PTPRD: variants seen among roughly 807,000 people sequenced by gnomAD.
The protein encoded by PTPRD is protein tyrosine phosphatase receptor type D.
Under a neutral mutation model 214.5 loss-of-function variants are expected in PTPRD, and 34 were observed. That is an observed-to-expected ratio of 0.16 (90% CI 0.12 to 0.21). PTPRD has a LOEUF of 0.21. Ranked by LOEUF, PTPRD falls within the 10% of genes least tolerant of loss-of-function variation. The pLI is 1.00. For missense variants in PTPRD, 2,545 were observed against 2,398.7 expected (o/e 1.06, Z -1.27); for synonymous variants, 1,128 against 845.7 (o/e 1.33, Z -5.79).
intron 11 of PTPRD, among the ~76,000 whole-genome samples, chr9:8,817,401 T>C (rs1476190711): frequency 3.9e-5 from 6 of 152,204 alleles, no homozygotes; most frequent in African/African-American, 1.4e-4. Flanking sequence ...ATAATTTAGA[T>C]GTAGAGAAAA....
intron 5 of PTPRD, among the ~76,000 whole-genome samples, chr9:9,929,549 A>G (rs1339237286): frequency 6.6e-6 from 1 of 152,102 alleles, no homozygotes. Flanking sequence ...ATGTGCCACC[A>G]TGCCCAGCTA....
intron 22 of PTPRD, 97 bp from the exon 23 acceptor site, chr9:8,504,502 T>C (rs1180093517): frequency 5.2e-6 from 7 of 1,344,774 alleles, no homozygotes; most frequent in Non-Finnish European, 7.3e-6. Context: ...TCATCAGGAT[T>C]ATAATCTCAT....
At chr9:9,883,708 C>G (rs372893556) in intron 5 of PTPRD, among the ~76,000 whole-genome samples, 1 of 152,096 alleles carries the variant, frequency 6.6e-6, no homozygotes, top group African/African-American at 2.4e-5. Context: ...AACCTCTTAG[C>G]CAGCTTTTAT....
At chr9:10,197,513 C>T (rs1042914320) in intron 3 of PTPRD, among the ~76,000 whole-genome samples, 1 of 152,242 alleles carries the variant, frequency 6.6e-6, no homozygotes, top group East Asian at 1.9e-4. Flanking sequence ...TTAGCAAATT[C>T]ATGCTTTACT....
At chr9:9,679,031 A>G (rs544935951) in intron 7 of PTPRD, among the ~76,000 whole-genome samples, 3 of 151,746 alleles carry the variant, frequency 2.0e-5, no homozygotes, top group South Asian at 2.1e-4. Context: ...AATGCATACA[A>G]TATATAGAAA....
intron 35 of PTPRD, among the ~76,000 whole-genome samples, chr9:8,431,942 T>C (rs2095083806): frequency 6.6e-6 from 1 of 152,238 alleles, no homozygotes; most frequent in Non-Finnish European, 1.5e-5. Context: ...AATTTGGCTG[T>C]GAATCTGTCT....
rs559646036 is a variant in PTPRD at position 10,440,074 on chromosome 9, A to G, written c.-599-99057T>C. On this transcript the variant is annotated intron_variant, in intron 2 of 45. Coordinates refer to ENST00000381196, the MANE Select transcript of PTPRD (RefSeq NM_002839.4). ...AAATTTTGCATCTACTAAGTTAAATATCCTAATTAAGCTTTTACATAAATG... is the reference window on the plus strand; with the variant it reads ...AAATTTTGCATCTACTAAGTTAAATGTCCTAATTAAGCTTTTACATAAATG... Among the ~76,000 whole-genome samples, 4 of 151,518 alleles carry G rather than the reference A, an allele frequency of 2.6e-5. No homozygotes were observed. In the East Asian group the frequency reaches 7.8e-4, roughly 29 times the overall value.
At chr9:8,925,620 T>C (rs1018025764) in intron 11 of PTPRD, among the ~76,000 whole-genome samples, 2 of 127,514 alleles carry the variant, frequency 1.6e-5, no homozygotes, top group African/African-American at 6.1e-5. Context: ...TACCTCTGCA[T>C]GGAGATCCTC....
At chr9:8,637,715 C>T (rs183012597) in intron 12 of PTPRD, among the ~76,000 whole-genome samples, 86 of 152,270 alleles carry the variant, frequency 5.6e-4, no homozygotes, top group African/African-American at 2.0e-3. Context: ...TTCATCATAT[C>T]ATTTGTTTGG....
chr9:9,964,880 ACTAAACTAATTTTT>A (rs1353555574), intron 4 of PTPRD, among the ~76,000 whole-genome samples: 3 of 152,154 alleles, frequency 2.0e-5, no homozygotes, highest in Non-Finnish European at 4.4e-5. Flanking sequence ...CCAAGATCTA[ACTAAACTAATTTTT>A]CATTTGAAAT....
chr9:10,130,398 C>G (rs1187703007), intron 3 of PTPRD, among the ~76,000 whole-genome samples: 1 of 151,980 alleles, frequency 6.6e-6, no homozygotes, highest in Non-Finnish European at 1.5e-5. Context: ...TGATCTTTCC[C>G]CATTAACCTA....
chr9:10,494,388 C>T (rs1359583224), intron 2 of PTPRD, among the ~76,000 whole-genome samples: 1 of 151,710 alleles, frequency 6.6e-6, no homozygotes, highest in East Asian at 1.9e-4. Flanking sequence ...TCAACACAAT[C>T]ATATCCACAT....
intron 14 of PTPRD, among the ~76,000 whole-genome samples, chr9:8,626,788 T>C (rs966139381): frequency 1.3e-5 from 2 of 151,686 alleles, no homozygotes; most frequent in Admixed American, 1.3e-4. Context: ...CTTGCCAGCC[T>C]GTGGACTAGA....
chr9:10,517,071 A>G (rs2784603), intron 2 of PTPRD, among the ~76,000 whole-genome samples: 147,445 of 152,084 alleles, frequency 0.97, 71,640 homozygotes, highest in East Asian at 1. Context: ...AATTCCACAA[A>G]AAATTTTAGA....
At chr9:8,820,285 A>G (rs2097024476) in intron 11 of PTPRD, among the ~76,000 whole-genome samples, 2 of 152,196 alleles carry the variant, frequency 1.3e-5, no homozygotes. Context: ...AAGGTCACTC[A>G]GCTAGTTAAG....
At chr9:9,719,667 G>A (rs1272315793) in intron 7 of PTPRD, among the ~76,000 whole-genome samples, 2 of 152,186 alleles carry the variant, frequency 1.3e-5, no homozygotes, top group African/African-American at 4.8e-5. Flanking sequence ...TCGCTATGCT[G>A]CGGCGGTGAG....
At chr9:10,482,840 T>G (rs548252309) in intron 2 of PTPRD, among the ~76,000 whole-genome samples, 1 of 152,174 alleles carries the variant, frequency 6.6e-6, no homozygotes, top group East Asian at 1.9e-4. Context: ...AGAATCAATA[T>G]TGTGGAAATG....
At chr9:10,111,687 A>G (rs2154234823) in intron 3 of PTPRD, among the ~76,000 whole-genome samples, 1 of 152,164 alleles carries the variant, frequency 6.6e-6, no homozygotes, top group African/African-American at 2.4e-5. Flanking sequence ...TAGGTTTTCT[A>G]CTTTTCATTC....
intron 2 of PTPRD, among the ~76,000 whole-genome samples, chr9:10,538,665 T>C (rs191337373): frequency 5.4e-4 from 82 of 151,574 alleles, no homozygotes; most frequent in Admixed American, 2.3e-3. Context: ...ATATATAGGA[T>C]GTACTGAATA....
Sources: gnomAD v4.1 joint callset for allele counts (sites outside exome capture counted in the v4.1 genomes callset) on GRCh38, gnomAD v4.1.1 for gene constraint, MANE v1.5 for transcripts, NCBI Gene and HGNC (gene_info 2026-07-23, HGNC 2026-07-21) for gene names.